The following TBC1D16 variants were observed in gnomAD, a reference collection of about 807,000 sequenced individuals.
The protein encoded by TBC1D16 is CTD-2529O21.1.
Under a neutral mutation model 74.7 loss-of-function variants are expected in TBC1D16, and 58 were observed. That is an observed-to-expected ratio of 0.78 (90% CI 0.63 to 0.97). The LOEUF (loss-of-function observed/expected upper bound fraction) is 0.97, where lower values mean the gene tolerates loss of function less well. Ranked by LOEUF, TBC1D16 falls within the 50% of genes least tolerant of loss-of-function variation. The probability of loss-of-function intolerance (pLI) is 0.00; values close to 1 mark genes in which losing one functional copy is unlikely to be tolerated. For synonymous variants in TBC1D16, 493 were observed against 474.7 expected, an observed-to-expected ratio of 1.04 and a Z score of -0.50; for missense variants, 1,014 against 1,079.5, an observed-to-expected ratio of 0.94 and a Z score of 0.85.
intron 2 of TBC1D16, among the ~76,000 whole-genome samples, chr17:80,011,001 A>C (rs1331063286): frequency 6.6e-6 from 1 of 152,132 alleles, no homozygotes; most frequent in African/African-American, 2.4e-5. Flanking sequence ...ACTGGTCCCC[A>C]AGCACCGGCC....
At chr17:79,999,533 CTTTTTTTTTTTTTT>C in intron 3 of TBC1D16, among the ~76,000 whole-genome samples, 1 of 76,476 alleles carries the variant, frequency 1.3e-5, no homozygotes, top group South Asian at 5.2e-4. Flanking sequence ...CCCCAAATTT[CTTTTTTTTTTTTTT>C]TTTTTTTTTT....
At position 79,987,524 on chromosome 17, in the gene TBC1D16, G is replaced by A. The variant is rs567539057; in HGVS notation, c.779+22636C>T. Among the ~76,000 whole-genome samples the A allele has an allele frequency of 3.9e-5, 6 of 152,232 alleles. No homozygotes were observed. The highest frequency in any genetic ancestry group is 7.2e-5 in the African/African-American group (3 of 41,534). Reference sequence around the variant, plus strand: ...GGCCTCCCAAAGTGCTAGGATTACAGGCATGAGTCATCATGCCTGACCTAT... The same window carrying A: ...GGCCTCCCAAAGTGCTAGGATTACAAGCATGAGTCATCATGCCTGACCTAT... On this transcript the variant is annotated intron_variant, in intron 3 of 11. Coordinates refer to ENST00000310924, the MANE Select transcript of TBC1D16 (RefSeq NM_019020.4). The surrounding 1 kb of genome is among the most constrained non-coding windows in gnomAD (Gnocchi z 5.2).
chr17:79,950,928 A>C lies in TBC1D16; in HGVS notation c.1090-350T>G. 7.6e-7 allele frequency: 1 copy of C among 1,318,854 alleles called. No individual in the cohort carries two copies. Among genetic ancestry groups the C allele is most frequent in the South Asian group, 1.5e-5 (1 of 66,610 alleles). The allele number at this position is 1,318,854 out of a possible 1,614,324, so 81.7% of individuals were successfully genotyped here. ...ATTACATGTGATTGGCCACATACAAAGGGATCGCTGTTCTGCGAGCAGGGA... is the reference window on the plus strand; with the variant it reads ...ATTACATGTGATTGGCCACATACAACGGGATCGCTGTTCTGCGAGCAGGGA... On this transcript the variant is annotated intron_variant, in intron 5 of 11. Coordinates refer to ENST00000310924, the MANE Select transcript of TBC1D16 (RefSeq NM_019020.4). This position sits in a 1 kb window ranked among gnomAD's most constrained non-coding sequence, Gnocchi z 4.6.
At chr17:79,951,374 C>T (rs2033036624) in intron 5 of TBC1D16, 76 bp downstream of exon 5, 3 of 1,554,340 alleles carry the variant, frequency 1.9e-6, no homozygotes, top group Non-Finnish European at 2.6e-6. Context: ...AGACACAGGA[C>T]CCAGGAGGGA....
intron 1 of TBC1D16, among the ~76,000 whole-genome samples, chr17:80,020,020 G>A (rs1000032390): frequency 6.7e-6 from 1 of 149,732 alleles, no homozygotes; most frequent in Non-Finnish European, 1.5e-5. Context: ...CAATATGACT[G>A]GTGTCTTTAT....
chr17:79,962,456 C>T (rs1269991225), intron 3 of TBC1D16, among the ~76,000 whole-genome samples: 2 of 151,558 alleles, frequency 1.3e-5, no homozygotes, highest in East Asian at 2.0e-4. Flanking sequence ...TCAGGTGATC[C>T]GCCCACCTTG....
chr17:79,945,213 T>G, intron 9 of TBC1D16, 126 bp from the exon 10 acceptor site: 1 of 1,017,066 alleles, frequency 9.8e-7, no homozygotes, highest in Admixed American at 2.8e-5. Context: ...CAGGGGCCTC[T>G]ACCTGCTGCA....
In TBC1D16 at chr17:79,979,335, C is replaced by T. The variant is rs1424919535; in HGVS notation, c.780-26517G>A. ...AGAGCACACACGCTCCAGGGATGCA[C>T]ACCCACGCCCTGGACCCCAGCAGAG... On this transcript the variant is annotated intron_variant, in intron 3 of 11. Transcript: ENST00000310924. This position sits in a 1 kb window ranked among gnomAD's most constrained non-coding sequence, Gnocchi z 4.8. Among the ~76,000 whole-genome samples the T allele has an allele frequency of 6.6e-6, 1 of 152,192 alleles. No homozygotes were observed. The highest frequency in any genetic ancestry group is 2.4e-5 in the African/African-American group (1 of 41,460).
rs1319995754 is a variant in TBC1D16, at chr17:79,971,230, C to T, written c.780-18412G>A. Reference sequence around the variant, plus strand: ...TAGAGATGGGGTTTCACCATGTTGGCCAGGCTGGTCTCAAACTCCTGGCCT... The same window carrying T: ...TAGAGATGGGGTTTCACCATGTTGGTCAGGCTGGTCTCAAACTCCTGGCCT... On this transcript the variant is annotated intron_variant, in intron 3 of 11. Transcript: ENST00000310924. This position sits in a 1 kb window ranked among gnomAD's most constrained non-coding sequence, Gnocchi z 4.6. Among the ~76,000 whole-genome samples, 2 of 152,108 alleles carry T rather than the reference C, an allele frequency of 1.3e-5. No homozygotes were observed. The highest frequency in any genetic ancestry group is 2.4e-5 in the African/African-American group (1 of 41,418).
In TBC1D16 at chr17:79,952,866, A is replaced by G. The variant is rs73423914; in HGVS notation, c.780-48T>C. 746 of 1,568,856 alleles carry G rather than the reference A, an allele frequency of 4.8e-4. 8 individuals are homozygous for G. In the African/African-American group the frequency reaches 7.8e-3, roughly 16 times the overall value. Reference sequence around the variant, plus strand: ...GATCGCCACACTTCTCCCTGCCCACACTACCCAGAGGGGGACGGGGGTCAT... The same window carrying G: ...GATCGCCACACTTCTCCCTGCCCACGCTACCCAGAGGGGGACGGGGGTCAT... On this transcript the variant is annotated intron_variant, in intron 3 of 11. Coordinates refer to ENST00000310924, the MANE Select transcript of TBC1D16 (RefSeq NM_019020.4).
At chr17:79,952,305 C>G in intron 4 of TBC1D16, 1 of 215,068 alleles carries the variant, frequency 4.6e-6, no homozygotes, top group African/African-American at 2.3e-5. Context: ...CCGTCCCGCA[C>G]AGGTGGCCGA....
intron 3 of TBC1D16, among the ~76,000 whole-genome samples, chr17:79,957,095 T>C (rs1252631781): frequency 6.6e-6 from 1 of 152,214 alleles, no homozygotes; most frequent in Non-Finnish European, 1.5e-5. Context: ...TCTGGAAACC[T>C]TGCCCTGCCC....
chr17:79,984,009 A>G (rs1489150605), intron 3 of TBC1D16, among the ~76,000 whole-genome samples: 6 of 142,692 alleles, frequency 4.2e-5, no homozygotes, highest in African/African-American at 1.6e-4. Flanking sequence ...CTGGGACTAC[A>G]GGCAGGCACC....
At chr17:79,969,658 A>G (rs1216657648) in intron 3 of TBC1D16, among the ~76,000 whole-genome samples, 1 of 151,870 alleles carries the variant, frequency 6.6e-6, no homozygotes, top group Admixed American at 6.6e-5. Flanking sequence ...AATAGAAAAT[A>G]GGGCCGGGCA....
chr17:79,949,521 T>A (rs1282140454), intron 7 of TBC1D16, among the ~76,000 whole-genome samples, 196 bp downstream of exon 7: 1 of 152,230 alleles, frequency 6.6e-6, no homozygotes, highest in Non-Finnish European at 1.5e-5. Flanking sequence ...GCCCCGCAGC[T>A]CCGAGGCCCG....
intron 1 of TBC1D16, among the ~76,000 whole-genome samples, chr17:80,020,086 CAAT>C (rs2036233152): frequency 6.7e-6 from 1 of 149,530 alleles, no homozygotes; most frequent in Non-Finnish European, 1.5e-5. Context: ...TGTGTGAATA[CAAT>C]GATGCCACCT....
chr17:80,016,875 T>C (rs2036108276), intron 1 of TBC1D16, among the ~76,000 whole-genome samples: 1 of 152,140 alleles, frequency 6.6e-6, no homozygotes, highest in African/African-American at 2.4e-5. Flanking sequence ...GGAGTGGCCT[T>C]CCCATTCCCA....
rs1416287807 is a variant in TBC1D16, at chr17:79,971,025, T to C, written c.780-18207A>G. On this transcript the variant is annotated intron_variant, in intron 3 of 11. Coordinates refer to ENST00000310924, the MANE Select transcript of TBC1D16 (RefSeq NM_019020.4). The surrounding 1 kb of genome is among the most constrained non-coding windows in gnomAD (Gnocchi z 4.6). ...TTAATATACACTCCCTGTATTTTTA[T>C]TTTTTATTTTTTTTTGAGATGGAGT... 1.4e-5 allele frequency among the ~76,000 whole-genome samples: 2 copies of C among 144,354 alleles called. No individual in the cohort carries two copies. Among genetic ancestry groups the C allele is most frequent in the Non-Finnish European group, 3.0e-5 (2 of 66,256 alleles). 94.7% of individuals were successfully genotyped at this position (144,354 alleles called of 152,430 possible).
Position 79,939,615 on chromosome 17 carries a change from T to C in TBC1D16, c.*1244A>G, listed in dbSNP as rs1366257726. ...TTCTGTGCAAATGGCTCGACACTTC[T>C]AAGCTGGCTGGGAGTTCTCACAGCA... is the stretch of plus-strand genomic sequence containing the variant. On this transcript the variant is annotated 3_prime_UTR_variant, in exon 12 of 12. Transcript: ENST00000310924. 6.6e-6 allele frequency: 1 copy of C among 152,234 alleles called. No homozygotes were observed. Among genetic ancestry groups the C allele is most frequent in the Non-Finnish European group, 1.5e-5 (1 of 68,056 alleles). 9.4% of individuals were successfully genotyped at this position (152,234 alleles called of 1,614,324 possible).
Sources: gnomAD v4.1 joint callset for allele counts (sites outside exome capture counted in the v4.1 genomes callset) on GRCh38, gnomAD v4.1.1 for gene constraint, Gnocchi (gnomAD v3.1) non-coding constraint, MANE v1.5 for transcripts, NCBI Gene and HGNC (gene_info 2026-07-23, HGNC 2026-07-21) for gene names.